OSBPL10: variants seen among roughly 807,000 people sequenced by gnomAD.
OSBPL10 encodes oxysterol-binding protein-related protein 10.
Under a neutral mutation model 81.7 loss-of-function variants are expected in OSBPL10, and 49 were observed. The observed-to-expected ratio is 0.60, with a 90% CI of 0.48 to 0.76. The LOEUF is 0.76. OSBPL10 is among the 30% of genes least tolerant of loss of function. OSBPL10 has a pLI of 0.00. For missense variants in OSBPL10, 923 were observed against 987.8 expected (o/e 0.93, Z 0.88); for synonymous variants, 419 against 383.6 (o/e 1.09, Z -1.08).
chr3:31,662,324 GA>G lies in OSBPL10; in HGVS notation c.2251-209del, dbSNP rs1264193045. 3.9e-6 allele frequency: 5 copies of G among 1,293,986 alleles called. No individual in the cohort carries two copies. In the African/African-American group the frequency reaches 7.6e-5, roughly 20 times the overall value. The allele number at this position is 1,293,986 out of a possible 1,614,324, so 80.2% of individuals were successfully genotyped here. A position where few individuals can be genotyped will look rare whatever the true frequency, so the allele number is the denominator to read the frequency against. ...CCTTCCTACCCTGGCATGGCAGGAG[GA>G]AACCCCAAGAAATGAGCAAAATAAA... is the stretch of plus-strand genomic sequence containing the variant. On this transcript the variant is annotated intron_variant, in intron 11 of 11. Coordinates refer to ENST00000396556, the MANE Select transcript of OSBPL10 (RefSeq NM_017784.5).
chr3:31,737,862 C>T (rs896430395), intron 5 of OSBPL10, among the ~76,000 whole-genome samples: 4 of 151,888 alleles, frequency 2.6e-5, no homozygotes, highest in African/African-American at 7.3e-5. Context: ...CATGGTGGCA[C>T]GCACCTGTAA....
intron 3 of OSBPL10, among the ~76,000 whole-genome samples, chr3:31,864,324 C>A (rs1701124415): frequency 6.6e-6 from 1 of 152,126 alleles, no homozygotes; most frequent in East Asian, 1.9e-4. Flanking sequence ...TCACTGCAAC[C>A]TCCGCCTCCT....
intron 3 of OSBPL10, among the ~76,000 whole-genome samples, chr3:31,852,671 C>A (rs915582191): frequency 3.3e-5 from 5 of 152,108 alleles, no homozygotes; most frequent in Admixed American, 3.3e-4. Flanking sequence ...CTCCAACTCC[C>A]AGGCTCAAGC....
chr3:32,077,398 C>T (rs1699885069), exon 1 of OSBPL10: 1 of 152,264 alleles, frequency 6.6e-6, no homozygotes, highest in Non-Finnish European at 1.5e-5. Flanking sequence ...CACATTACCT[C>T]TCTAAAAGTG....
chr3:31,886,089 C>T (rs553806826), intron 1 of OSBPL10, among the ~76,000 whole-genome samples: 1 of 151,538 alleles, frequency 6.6e-6, no homozygotes, highest in East Asian at 1.9e-4. Context: ...ATGCTGACAG[C>T]CAGAAGTTAG....
intron 4 of OSBPL10, among the ~76,000 whole-genome samples, chr3:31,784,966 CCT>C (rs1039516248): frequency 6.8e-4 from 104 of 152,222 alleles, no homozygotes; most frequent in African/African-American, 2.3e-3. Flanking sequence ...CTCACTGGAA[CCT>C]CTGTCTCCCA....
chr3:32,001,814 C>T (rs894741378), intron 2 of OSBPL10, among the ~76,000 whole-genome samples: 6 of 151,946 alleles, frequency 3.9e-5, no homozygotes, highest in African/African-American at 1.5e-4. Context: ...CCCAGAGGGT[C>T]CCCAGGACAA....
At chr3:31,789,893 A>G (rs1698968131) in intron 4 of OSBPL10, among the ~76,000 whole-genome samples, 1 of 152,156 alleles carries the variant, frequency 6.6e-6, no homozygotes. Flanking sequence ...CAACTCTTTT[A>G]CTAAACCTGC....
At chr3:31,717,793 C>G (rs1422089200) in intron 6 of OSBPL10, among the ~76,000 whole-genome samples, 1 of 152,068 alleles carries the variant, frequency 6.6e-6, no homozygotes, top group African/African-American at 2.4e-5. Context: ...TCACATTATT[C>G]CGCTGCCATA....
At chr3:31,785,562 C>T (rs1698839899) in intron 4 of OSBPL10, among the ~76,000 whole-genome samples, 1 of 152,174 alleles carries the variant, frequency 6.6e-6, no homozygotes, top group African/African-American at 2.4e-5. Context: ...GGGTTTTGGA[C>T]TGGCAGTCAG....
At chr3:31,683,500 C>T in intron 8 of OSBPL10, 134 bp downstream of exon 8, 3 of 1,327,832 alleles carry the variant, frequency 2.3e-6, no homozygotes, top group Non-Finnish European at 3.1e-6. Flanking sequence ...ACCCTTTTAC[C>T]ACCCACACTC....
At chr3:31,783,309 G>C (rs1698752571) in intron 4 of OSBPL10, among the ~76,000 whole-genome samples, 1 of 151,786 alleles carries the variant, frequency 6.6e-6, no homozygotes, top group African/African-American at 2.4e-5. Flanking sequence ...TAAGCTATGA[G>C]GATGCAAAGG....
At chr3:31,847,831 G>T (rs143600209) in intron 3 of OSBPL10, among the ~76,000 whole-genome samples, 6 of 152,088 alleles carry the variant, frequency 3.9e-5, no homozygotes, top group African/African-American at 1.4e-4. Flanking sequence ...ACCTTCCAAG[G>T]CTGGAGGATC....
At chr3:31,806,473 A>G (rs535091495) in intron 4 of OSBPL10, among the ~76,000 whole-genome samples, 1 of 152,360 alleles carries the variant, frequency 6.6e-6, no homozygotes, top group African/African-American at 2.4e-5. Context: ...CTTTTAGCTG[A>G]GAGCCAAACA....
chr3:31,861,686 C>T (rs1285882432), intron 3 of OSBPL10, among the ~76,000 whole-genome samples: 1 of 152,160 alleles, frequency 6.6e-6, no homozygotes, highest in African/African-American at 2.4e-5. Flanking sequence ...CTATTACTGC[C>T]TAACTACCCC....
chr3:31,717,365 C>G (rs144438898), intron 6 of OSBPL10, among the ~76,000 whole-genome samples: 3 of 152,150 alleles, frequency 2.0e-5, no homozygotes, highest in African/African-American at 7.2e-5. Flanking sequence ...TCAGAAACAA[C>G]CCAAAGCTCA....
intron 2 of OSBPL10, among the ~76,000 whole-genome samples, chr3:32,026,080 T>TAGATAGAC (rs1444244038): frequency 1.8e-5 from 2 of 111,114 alleles, no homozygotes; most frequent in Non-Finnish European, 4.2e-5. Flanking sequence ...GATAGATAGA[T>TAGATAGAC]AGATAGATAG....
chr3:31,852,182 A>T (rs1472076551), intron 3 of OSBPL10, among the ~76,000 whole-genome samples: 1 of 152,102 alleles, frequency 6.6e-6, no homozygotes, highest in Admixed American at 6.5e-5. Flanking sequence ...TGGAGATAAG[A>T]CCTACCCGCA....
At chr3:32,014,472 A>G (rs987637347) in intron 2 of OSBPL10, among the ~76,000 whole-genome samples, 9 of 152,292 alleles carry the variant, frequency 5.9e-5, no homozygotes, top group African/African-American at 2.2e-4. Flanking sequence ...ATCTATGACA[A>G]ACCCACAGCC....
Sources: allele counts gnomAD v4.1 joint callset (sites outside exome capture counted in the v4.1 genomes callset), GRCh38; gene constraint gnomAD v4.1.1; transcripts MANE v1.5; gene names NCBI Gene and HGNC (gene_info 2026-07-23, HGNC 2026-07-21).